The following PARP8 variants were observed in gnomAD, a reference collection of about 807,000 sequenced individuals.
PARP8 encodes protein mono-ADP-ribosyltransferase PARP8.
In PARP8, 51 loss-of-function variants were observed where a neutral mutation model predicts 124.1. The observed-to-expected ratio is 0.41, with a 90% CI of 0.33 to 0.52. The LOEUF (loss-of-function observed/expected upper bound fraction) is 0.52. PARP8 is among the 20% of genes least tolerant of loss of function. PARP8 has a pLI of 0.21. For synonymous variants in PARP8, 391 were observed against 361.5 expected (o/e 1.08, Z -0.93); for missense variants, 860 against 1,018.9 (o/e 0.84, Z 2.12).
At chr5:50,708,106 T>A (rs1754351671) in intron 2 of PARP8, among the ~76,000 whole-genome samples, 1 of 152,138 alleles carries the variant, frequency 6.6e-6, no homozygotes, top group Non-Finnish European at 1.5e-5. Context: ...TTGCTGTGTG[T>A]CCATTATTGT....
chr5:50,674,832 C>T (rs1750430663), intron 2 of PARP8, among the ~76,000 whole-genome samples: 2 of 152,136 alleles, frequency 1.3e-5, no homozygotes, highest in Non-Finnish European at 2.9e-5. Context: ...TCCTTGCCCA[C>T]GAATGACATC....
At chr5:50,723,087 T>C (rs1164922722) in intron 2 of PARP8, among the ~76,000 whole-genome samples, 1 of 152,164 alleles carries the variant, frequency 6.6e-6, no homozygotes, top group Non-Finnish European at 1.5e-5. Flanking sequence ...GCCTCTTACA[T>C]ATGATAATAG....
rs542149790 is a variant in PARP8 at position 50,667,328 on chromosome 5, C to T, written c.91+142C>T. On this transcript the variant is annotated intron_variant, in intron 1 of 25. Transcript: ENST00000281631. ...TTGGCAACAGCTGCTGCAACGAGCG[C>T]GGGAGCCAAAAGGGGGAGGGGGCGC... 10 of 888,550 alleles carry T rather than the reference C, an allele frequency of 1.1e-5. No homozygotes were observed. The African/African-American group carries it at 1.7e-4, about 15-fold the overall frequency. The allele number at this position is 888,550 out of a possible 1,614,324, so 55.0% of individuals were successfully genotyped here.
chr5:50,778,521 A>G, intron 8 of PARP8, 39 bp from the exon 9 acceptor site: 2 of 1,518,176 alleles, frequency 1.3e-6, no homozygotes, highest in South Asian at 1.2e-5. Flanking sequence ...TTTGAACTCT[A>G]AAAGATGATT....
chr5:50,817,561 T>A (rs1285101404), intron 15 of PARP8, among the ~76,000 whole-genome samples: 1 of 152,210 alleles, frequency 6.6e-6, no homozygotes, highest in Non-Finnish European at 1.5e-5. Flanking sequence ...GGAGCAACAG[T>A]GTCCTGTGGT....
At chr5:50,784,116 CA>C (rs1359987095) in intron 9 of PARP8, among the ~76,000 whole-genome samples, 1 of 151,996 alleles carries the variant, frequency 6.6e-6, no homozygotes, top group Non-Finnish European at 1.5e-5. Flanking sequence ...AATGAAGTTG[CA>C]AAAAATGTAT....
chr5:50,791,063 G>A (rs987872885), intron 10 of PARP8, among the ~76,000 whole-genome samples: 2 of 152,092 alleles, frequency 1.3e-5, no homozygotes, highest in African/African-American at 2.4e-5. Context: ...GAAACATACA[G>A]CAAGTTAGGA....
intron 2 of PARP8, among the ~76,000 whole-genome samples, chr5:50,718,628 T>C (rs2149498824): frequency 6.6e-6 from 1 of 152,184 alleles, no homozygotes; most frequent in Admixed American, 6.6e-5. Context: ...GTTCCATCCA[T>C]GTTATTGCAA....
chr5:50,839,371 A>G (rs1319121526), intron 25 of PARP8, among the ~76,000 whole-genome samples: 1 of 152,008 alleles, frequency 6.6e-6, no homozygotes, highest in Non-Finnish European at 1.5e-5. Flanking sequence ...TTCCAGACAT[A>G]AAAGAACTTT....
intron 10 of PARP8, among the ~76,000 whole-genome samples, chr5:50,793,939 T>C (rs1428804320): frequency 6.6e-6 from 1 of 152,124 alleles, no homozygotes. Flanking sequence ...TGAATTATCA[T>C]ATCCTGGTAA....
rs148796858 is a variant in PARP8, at chr5:50,812,543, T to C, written c.1576-2889T>C. ...AAAAATTTTCTCCCATTCTGTAGGT[T>C]ACTTGTTCACTCTGATGGTAGTTTC... On this transcript the variant is annotated intron_variant, in intron 14 of 25. Coordinates refer to ENST00000281631, the MANE Select transcript of PARP8 (RefSeq NM_024615.4). Among the ~76,000 whole-genome samples the C allele has an allele frequency of 6.7e-4, 102 of 152,342 alleles. 1 individual carries two copies. In the East Asian group the frequency reaches 0.016, roughly 24 times the overall value.
At chr5:50,790,916 C>T (rs906207912) in intron 10 of PARP8, among the ~76,000 whole-genome samples, 1 of 152,074 alleles carries the variant, frequency 6.6e-6, no homozygotes, top group African/African-American at 2.4e-5. Context: ...ATGTTTGTTT[C>T]CCTAATTATA....
chr5:50,696,633 T>G (rs143586791), intron 2 of PARP8, among the ~76,000 whole-genome samples: 264 of 152,284 alleles, frequency 1.7e-3, no homozygotes, highest in African/African-American at 6.0e-3. Flanking sequence ...TAGGCCACCT[T>G]CTATTTTGCA....
At chr5:50,693,466 C>A (rs943446041) in intron 2 of PARP8, among the ~76,000 whole-genome samples, 11 of 152,118 alleles carry the variant, frequency 7.2e-5, no homozygotes, top group African/African-American at 2.7e-4. Context: ...TTCAATTTAG[C>A]ATCTAGGGCA....
chr5:50,681,575 T>A (rs1291162952), intron 2 of PARP8, among the ~76,000 whole-genome samples: 2 of 152,174 alleles, frequency 1.3e-5, no homozygotes, highest in Non-Finnish European at 2.9e-5. Flanking sequence ...AGGAACTTCA[T>A]ATAAAATGTA....
chr5:50,752,277 T>C (rs1241474867), intron 3 of PARP8, among the ~76,000 whole-genome samples: 1 of 152,096 alleles, frequency 6.6e-6, no homozygotes, highest in East Asian at 1.9e-4. Context: ...TCATATACTT[T>C]AGCATTAAAG....
At chr5:50,782,737 C>A (rs1740809114) in intron 9 of PARP8, among the ~76,000 whole-genome samples, 1 of 151,964 alleles carries the variant, frequency 6.6e-6, no homozygotes, top group African/African-American at 2.4e-5. Context: ...TGCCTGGGAC[C>A]ACTCCTAATA....
At chr5:50,676,350 G>T (rs1750637142) in intron 2 of PARP8, among the ~76,000 whole-genome samples, 1 of 152,180 alleles carries the variant, frequency 6.6e-6, no homozygotes, top group Non-Finnish European at 1.5e-5. Context: ...TGGTTAACTG[G>T]CATTTGGCAT....
At chr5:50,747,499 AGTT>A (rs1337041967) in intron 2 of PARP8, among the ~76,000 whole-genome samples, 3 of 150,444 alleles carry the variant, frequency 2.0e-5, no homozygotes, top group African/African-American at 2.4e-5. Context: ...ATGATTGTTG[AGTT>A]GTTCATTTTT....
Sources: allele counts gnomAD v4.1 joint callset (sites outside exome capture counted in the v4.1 genomes callset), GRCh38; gene constraint gnomAD v4.1.1; transcripts MANE v1.5; gene names NCBI Gene and HGNC (gene_info 2026-07-23, HGNC 2026-07-21).